PPP4R1: variants seen among roughly 807,000 people sequenced by gnomAD.
PPP4R1 encodes the protein serine/threonine-protein phosphatase 4 regulatory subunit 1.
PPP4R1 carries 42 observed loss-of-function variants against 111.2 expected under a neutral mutation model. The observed-to-expected ratio is 0.38, with a 90% CI of 0.29 to 0.49. The LOEUF (loss-of-function observed/expected upper bound fraction) is 0.49. Ranked by LOEUF, PPP4R1 falls within the 20% of genes least tolerant of loss-of-function variation. The pLI, the probability that PPP4R1 is intolerant of heterozygous loss-of-function variation, is 0.97. For missense variants in PPP4R1, 1,012 were observed against 1,161.6 expected (o/e 0.87, Z 1.87); for synonymous variants, 409 against 405.5 (o/e 1.01, Z -0.10).
At chr18:9,577,239 A>C (rs2066951000) in intron 9 of PPP4R1, 48 bp from the exon 10 acceptor site, 2 of 1,523,608 alleles carry the variant, frequency 1.3e-6, no homozygotes, top group Middle Eastern at 1.7e-4. Context: ...TTGAAAAAGA[A>C]TTATATACGC....
intron 2 of PPP4R1, 108 bp from the exon 3 acceptor site, chr18:9,595,261 T>C: frequency 8.8e-7 from 1 of 1,138,458 alleles, no homozygotes; most frequent in Non-Finnish European, 1.2e-6. Flanking sequence ...AAAAAAAAAA[T>C]CACAAGAGAC....
intron 2 of PPP4R1, among the ~76,000 whole-genome samples, chr18:9,597,618 A>C (rs2067310978): frequency 6.6e-6 from 1 of 152,246 alleles, no homozygotes; most frequent in African/African-American, 2.4e-5. Flanking sequence ...TTCTAAAATA[A>C]ATGAGGCAAA....
Position 9,595,008 on chromosome 18 carries a change from A to G in PPP4R1, c.188+10T>C. The stretch of plus-strand genomic sequence containing the variant: ...CCACTTCCACTTTAACAAAAAGAAT[A>G]TGCACATACCTGTTAAATATGTTCT... On this transcript the variant is annotated intron_variant, in intron 3 of 19. Transcript: ENST00000400556. The G allele has an allele frequency of 6.2e-7, 1 of 1,612,340 alleles. No homozygotes were observed. Among genetic ancestry groups the G allele is most frequent in the Non-Finnish European group, 8.5e-7 (1 of 1,179,286 alleles).
chr18:9,565,067 A>AT (rs1179088728), intron 11 of PPP4R1, among the ~76,000 whole-genome samples: 1 of 152,050 alleles, frequency 6.6e-6, no homozygotes, highest in Non-Finnish European at 1.5e-5. Flanking sequence ...TAGCAAGTCT[A>AT]TTGGTGCTAT....
At chr18:9,548,202 AAATT>A in intron 19 of PPP4R1, among the ~76,000 whole-genome samples, 1 of 152,280 alleles carries the variant, frequency 6.6e-6, no homozygotes, top group East Asian at 1.9e-4. Context: ...AAGGAATATT[AAATT>A]AATAAATAGA....
chr18:9,613,287 T>C (rs1168046522), intron 2 of PPP4R1, among the ~76,000 whole-genome samples: 1 of 152,256 alleles, frequency 6.6e-6, no homozygotes, highest in East Asian at 1.9e-4. Flanking sequence ...GTCGCTATTT[T>C]GGAAGATTAG....
intron 14 of PPP4R1, 120 bp downstream of exon 14, chr18:9,559,299 T>C (rs2066636384): frequency 1.2e-5 from 12 of 1,010,424 alleles, no homozygotes; most frequent in African/African-American, 6.5e-5. Flanking sequence ...CTTCCATACA[T>C]AATTTCCTAT....
chr18:9,554,995 G>A (rs1311461996), intron 15 of PPP4R1, among the ~76,000 whole-genome samples: 3 of 152,138 alleles, frequency 2.0e-5, no homozygotes, highest in Admixed American at 6.5e-5. Context: ...ACATGGGAAT[G>A]TTACTTAATA....
Position 9,559,409 on chromosome 18 carries a change from CT to C in PPP4R1, c.2028+9del. The C allele has an allele frequency of 1.2e-6, 2 of 1,600,826 alleles. No individual in the cohort carries two copies. Among genetic ancestry groups the C allele is most frequent in the Non-Finnish European group, 1.7e-6 (2 of 1,172,810 alleles). On this transcript the variant is annotated intron_variant, in intron 14 of 19. Coordinates refer to ENST00000400556, the MANE Select transcript of PPP4R1 (RefSeq NM_001042388.3). ...GCACGTTCTGCTAATTCTTTAACTG[CT>C]TTACTCACCTGCATGTCTGAGGCCA... is the stretch of plus-strand genomic sequence containing the variant.
chr18:9,557,861 C>T (rs984922326), intron 14 of PPP4R1, among the ~76,000 whole-genome samples: 3 of 152,190 alleles, frequency 2.0e-5, no homozygotes, highest in African/African-American at 4.8e-5. Context: ...ACTGAGGCTG[C>T]ACATGGACCA....
At position 9,547,618 on chromosome 18, in the gene PPP4R1, T is replaced by C. The variant is rs1167770138; in HGVS notation, c.*171A>G. On this transcript the variant is annotated 3_prime_UTR_variant, in exon 20 of 20. Transcript: ENST00000400556. ...ATAATAGTGTTTACTGTACTTTCTC[T>C]TGACTCTTGAAATCCCTGGTATTGG... The C allele has an allele frequency of 1.5e-6, 1 of 665,600 alleles. No individual in the cohort carries two copies. The highest frequency in any genetic ancestry group is 1.8e-5 in the African/African-American group (1 of 55,808). 41.2% of individuals were successfully genotyped at this position (665,600 alleles called of 1,614,324 possible).
At chr18:9,610,036 T>C (rs1459798409) in intron 2 of PPP4R1, among the ~76,000 whole-genome samples, 1 of 152,254 alleles carries the variant, frequency 6.6e-6, no homozygotes, top group African/African-American at 2.4e-5. Flanking sequence ...TACATAGCCA[T>C]TCTTTAAAAA....
chr18:9,602,830 G>C (rs1486110567), intron 2 of PPP4R1, among the ~76,000 whole-genome samples: 1 of 123,528 alleles, frequency 8.1e-6, no homozygotes, highest in African/African-American at 3.8e-5. Context: ...CAAAAAAAAA[G>C]TTGGGCCCAC....
intron 10 of PPP4R1, 150 bp from the exon 11 acceptor site, chr18:9,570,833 T>G: frequency 1.2e-6 from 1 of 844,848 alleles, no homozygotes; most frequent in Non-Finnish European, 1.7e-6. Context: ...GTATATTATT[T>G]ATAATGCTTC....
intron 16 of PPP4R1, chr18:9,551,907 A>T (rs1295016008): frequency 6.6e-6 from 1 of 152,404 alleles, no homozygotes; most frequent in Admixed American, 6.5e-5. Context: ...GTGGCAGCCC[A>T]CAGCGAGAAA....
At chr18:9,601,186 G>A (rs1386871457) in intron 2 of PPP4R1, among the ~76,000 whole-genome samples, 1 of 148,908 alleles carries the variant, frequency 6.7e-6, no homozygotes, top group Admixed American at 6.7e-5. Context: ...TTCAAACCAG[G>A]TTGTTATTGT....
At position 9,595,139 on chromosome 18, in the gene PPP4R1, A is replaced by T; in HGVS notation, c.67T>A (p.Tyr23Asn). ...ATAATCACATCAGACTCTGAGCTGTAGTCATCCACACCAACTATCAGAGAC... is the reference window on the plus strand; with the variant it reads ...ATAATCACATCAGACTCTGAGCTGTTGTCATCCACACCAACTATCAGAGAC... The part of the protein sequence containing the change: ...EDADGFGVDD[Y>N]SSESDVIIIP... The change falls in exon 3 of 20, where the codon TAC becomes AAC. Residue 23 changes from tyrosine to asparagine, a missense_variant. Tyr to Asn is a moderately radical substitution (Grantham distance 143). Around this residue, in one of 2 missense-constraint regions of PPP4R1, gnomAD observed 707 missense variants for 742.1 expected, o/e 0.95. Coordinates refer to ENST00000400556, the MANE Select transcript of PPP4R1 (RefSeq NM_001042388.3). 6.2e-7 allele frequency: 1 copy of T among 1,613,848 alleles called. No individual in the cohort carries two copies. The highest frequency in any genetic ancestry group is 8.5e-7 in the Non-Finnish European group (1 of 1,179,812).
intron 11 of PPP4R1, among the ~76,000 whole-genome samples, chr18:9,564,605 T>C (rs2066730124): frequency 6.6e-6 from 1 of 151,998 alleles, no homozygotes; most frequent in Non-Finnish European, 1.5e-5. Context: ...CCACTCCCTT[T>C]TGGGATCACT....
chr18:9,548,872 C>T (rs148719803), intron 19 of PPP4R1, among the ~76,000 whole-genome samples: 22 of 152,182 alleles, frequency 1.4e-4, no homozygotes, highest in African/African-American at 4.6e-4. Flanking sequence ...GAGCTGAGAT[C>T]GCACCATTGC....
Sources: allele counts gnomAD v4.1 joint callset (sites outside exome capture counted in the v4.1 genomes callset), GRCh38; gene constraint gnomAD v4.1.1; regional missense constraint gnomAD v4.1.1; transcripts MANE v1.5; gene names NCBI Gene and HGNC (gene_info 2026-07-23, HGNC 2026-07-21).